The following PAPPA variants were observed in gnomAD, a reference collection of about 807,000 sequenced individuals.
The protein encoded by PAPPA is pappalysin-1.
A neutral mutation model predicts 164.0 loss-of-function variants in PAPPA; 60 were observed. The observed-to-expected ratio is 0.37, with a 90% CI of 0.30 to 0.45. The LOEUF (loss-of-function observed/expected upper bound fraction) is 0.45. Among genes scored for constraint, PAPPA ranks in the 20% least tolerant of loss-of-function variants. The pLI is 1.00. For missense variants in PAPPA, 1,782 were observed against 2,087.3 expected (o/e 0.85, Z 2.85); for synonymous variants, 875 against 814.1 (o/e 1.07, Z -1.27).
intron 10 of PAPPA, among the ~76,000 whole-genome samples, chr9:116,304,319 T>C (rs1845617048): frequency 6.6e-6 from 1 of 152,206 alleles, no homozygotes; most frequent in South Asian, 2.1e-4. Context: ...TACACACACA[T>C]ACACATACAT....
chr9:116,304,356 C>T (rs955514354), intron 10 of PAPPA, among the ~76,000 whole-genome samples: 12 of 152,188 alleles, frequency 7.9e-5, no homozygotes, highest in African/African-American at 1.9e-4. Flanking sequence ...TGCAAATGAA[C>T]GACACTGACA....
At chr9:116,311,887 A>C (rs968521016) in intron 10 of PAPPA, among the ~76,000 whole-genome samples, 6 of 152,242 alleles carry the variant, frequency 3.9e-5, no homozygotes, top group African/African-American at 1.2e-4. Context: ...TGGCATTTGT[A>C]GGCATACAAC....
chr9:116,280,681 T>C (rs148437463), intron 9 of PAPPA, among the ~76,000 whole-genome samples: 4 of 152,352 alleles, frequency 2.6e-5, no homozygotes, highest in African/African-American at 9.6e-5. Flanking sequence ...AGCCCTGCCC[T>C]GGGCATAATA....
chr9:116,174,515 T>C (rs567992835), intron 1 of PAPPA, among the ~76,000 whole-genome samples: 4 of 152,230 alleles, frequency 2.6e-5, no homozygotes, highest in African/African-American at 9.6e-5. Context: ...CTCCTTAGAA[T>C]GGGTACAGGT....
chr9:116,388,254 C>T (rs182342648), intron 21 of PAPPA, among the ~76,000 whole-genome samples: 1 of 152,272 alleles, frequency 6.6e-6, no homozygotes, highest in Admixed American at 6.5e-5. Context: ...GACTCAGCCT[C>T]TCAGGATGTC....
At chr9:116,370,612 C>G (rs1588024176) in intron 19 of PAPPA, among the ~76,000 whole-genome samples, 1 of 152,354 alleles carries the variant, frequency 6.6e-6, no homozygotes, top group Non-Finnish European at 1.5e-5. Context: ...GTTGCTGTCA[C>G]TGAGCACAAA....
At chr9:116,374,188 G>GTGA (rs376081682) in intron 19 of PAPPA, among the ~76,000 whole-genome samples, 13 of 108,352 alleles carry the variant, frequency 1.2e-4, no homozygotes, top group Admixed American at 2.3e-4. Context: ...GATGATGGTG[G>GTGA]TGATGATGAT....
At chr9:116,284,489 T>C (rs1845306076) in intron 9 of PAPPA, among the ~76,000 whole-genome samples, 1 of 151,514 alleles carries the variant, frequency 6.6e-6, no homozygotes, top group Admixed American at 6.6e-5. Context: ...TAGGCACACT[T>C]CTCATTCTCC....
At chr9:116,172,633 T>C (rs1248602499) in intron 1 of PAPPA, among the ~76,000 whole-genome samples, 4 of 152,242 alleles carry the variant, frequency 2.6e-5, no homozygotes, top group African/African-American at 9.6e-5. Context: ...CTATGCTTTT[T>C]CACATTTGTT....
At position 116,401,430 on chromosome 9, in the gene PAPPA, A is replaced by G. The variant is rs2118756808; in HGVS notation, c.*4814A>G. The stretch of plus-strand genomic sequence containing the variant: ...CAAATGGGGGCTTCTTAAACTACAC[A>G]CCAGCAGTCAGTGAGGAAAACTTTG... On this transcript the variant is annotated 3_prime_UTR_variant, in exon 22 of 22. Transcript: ENST00000328252. The G allele has an allele frequency of 6.6e-6, 1 of 152,618 alleles. No homozygotes were observed. Among genetic ancestry groups the G allele is most frequent in the Admixed American group, 6.5e-5 (1 of 15,280 alleles). 9.5% of individuals were successfully genotyped at this position (152,618 alleles called of 1,614,324 possible).
chr9:116,383,032 C>T (rs921088742), intron 21 of PAPPA, among the ~76,000 whole-genome samples: 4 of 152,184 alleles, frequency 2.6e-5, no homozygotes, highest in African/African-American at 9.7e-5. Flanking sequence ...TCTTATTTGT[C>T]ACACCTGTAG....
At chr9:116,213,767 T>A (rs896800749) in intron 4 of PAPPA, among the ~76,000 whole-genome samples, 2 of 152,112 alleles carry the variant, frequency 1.3e-5, no homozygotes, top group African/African-American at 4.8e-5. Context: ...CAGAACTAAT[T>A]CACTGAGCTA....
intron 9 of PAPPA, among the ~76,000 whole-genome samples, chr9:116,285,158 C>CT (rs1845318115): frequency 9.3e-6 from 1 of 107,272 alleles, no homozygotes; most frequent in Non-Finnish European, 2.0e-5. Flanking sequence ...TTTTCTTTTT[C>CT]TTTTCTTTCT....
intron 4 of PAPPA, among the ~76,000 whole-genome samples, chr9:116,213,167 G>T (rs1439834542): frequency 1.3e-5 from 2 of 152,132 alleles, no homozygotes; most frequent in Non-Finnish European, 2.9e-5. Flanking sequence ...TCCTGCTAAA[G>T]CCAGGGAAAA....
chr9:116,386,607 A>G (rs1420918665), intron 21 of PAPPA, among the ~76,000 whole-genome samples: 2 of 152,172 alleles, frequency 1.3e-5, no homozygotes, highest in African/African-American at 4.8e-5. Flanking sequence ...ACCCAGTTCT[A>G]TCTGACTCAA....
chr9:116,237,103 G>A (rs1007478227), intron 7 of PAPPA, among the ~76,000 whole-genome samples: 9 of 152,300 alleles, frequency 5.9e-5, no homozygotes, highest in Admixed American at 2.0e-4. Flanking sequence ...TCATTAATGG[G>A]AACCAAGTTC....
chr9:116,324,730 T>G (rs755988044), intron 10 of PAPPA, among the ~76,000 whole-genome samples: 1 of 152,104 alleles, frequency 6.6e-6, no homozygotes, highest in Non-Finnish European at 1.5e-5. Flanking sequence ...TTTCACAAAA[T>G]GGGCAATGCA....
intron 7 of PAPPA, among the ~76,000 whole-genome samples, chr9:116,257,971 T>G (rs1039484577): frequency 4.6e-5 from 7 of 152,038 alleles, no homozygotes; most frequent in Non-Finnish European, 8.8e-5. Context: ...TACTATTTAC[T>G]GTAGGACTGA....
At chr9:116,224,518 C>T (rs986224308) in intron 5 of PAPPA, among the ~76,000 whole-genome samples, 2 of 152,078 alleles carry the variant, frequency 1.3e-5, no homozygotes, top group African/African-American at 4.8e-5. Context: ...CTCATTTCTC[C>T]CAAAGATGGT....
Sources: gnomAD v4.1 joint callset for allele counts (sites outside exome capture counted in the v4.1 genomes callset) on GRCh38, gnomAD v4.1.1 for gene constraint, MANE v1.5 for transcripts, NCBI Gene and HGNC (gene_info 2026-07-23, HGNC 2026-07-21) for gene names.